PCSK2: variants seen among roughly 807,000 people sequenced by gnomAD.
The protein encoded by PCSK2 is proprotein convertase subtilisin/kexin type 2.
In PCSK2, 14 loss-of-function variants were observed where a neutral mutation model predicts 69.7. The observed-to-expected ratio is 0.20, with a 90% CI of 0.13 to 0.31. The LOEUF is 0.31. Among genes scored for constraint, PCSK2 ranks in the 10% least tolerant of loss-of-function variants. PCSK2 has a pLI of 1.00. For synonymous variants in PCSK2, 307 were observed against 320.7 expected, an observed-to-expected ratio of 0.96 and a Z score of 0.46; for missense variants, 544 against 842.5, an observed-to-expected ratio of 0.65 and a Z score of 4.39.
At chr20:17,269,831 G>A (rs780517221) in intron 2 of PCSK2, among the ~76,000 whole-genome samples, 1 of 152,054 alleles carries the variant, frequency 6.6e-6, no homozygotes, top group Non-Finnish European at 1.5e-5. Flanking sequence ...AACTATAAAA[G>A]CCATGAGAAA....
rs200516537 is a variant in PCSK2 at position 17,246,801 on chromosome 20, GA to G, written c.178-13428del. On this transcript the variant is annotated intron_variant, in intron 1 of 11. Transcript: ENST00000262545. ...TCACTGATGATAAATAATTCTGCTTGAAAAAAAAAAAGTGGTTTCTCTTTAG... is the reference window on the plus strand; with the variant it reads ...TCACTGATGATAAATAATTCTGCTTGAAAAAAAAAAGTGGTTTCTCTTTAG... 2.0e-3 allele frequency among the ~76,000 whole-genome samples: 284 copies of G among 143,690 alleles called. 1 individual carries two copies. The highest frequency in any genetic ancestry group is 2.3e-3 in the African/African-American group (92 of 39,582). The allele number at this position is 143,690 out of a possible 152,430, so 94.3% of individuals were successfully genotyped here.
At chr20:17,377,999 A>C (rs985381092) in intron 5 of PCSK2, among the ~76,000 whole-genome samples, 1 of 152,222 alleles carries the variant, frequency 6.6e-6, no homozygotes, top group African/African-American at 2.4e-5. Flanking sequence ...GTCAGCATTC[A>C]AGAAAGCCGT....
intron 2 of PCSK2, among the ~76,000 whole-genome samples, chr20:17,303,379 ATT>A (rs1491187846): frequency 2.8e-4 from 36 of 127,936 alleles, no homozygotes; most frequent in Non-Finnish European, 5.4e-4. Flanking sequence ...ATAATTATAT[ATT>A]AATATAATAT....
intron 2 of PCSK2, among the ~76,000 whole-genome samples, chr20:17,294,401 C>T (rs905266046): frequency 1.3e-5 from 2 of 152,206 alleles, no homozygotes; most frequent in African/African-American, 4.8e-5. Flanking sequence ...CCGCCGCGCC[C>T]GGCCTGCAGT....
At chr20:17,306,111 C>T (rs6131934) in intron 2 of PCSK2, among the ~76,000 whole-genome samples, 8,872 of 152,134 alleles carry the variant, frequency 0.058, 344 homozygotes, top group East Asian at 0.11. Flanking sequence ...ATTATATGGA[C>T]ATAAAGATGG....
At chr20:17,423,621 C>CAA (rs2032181815) in intron 6 of PCSK2, among the ~76,000 whole-genome samples, 2 of 141,512 alleles carry the variant, frequency 1.4e-5, no homozygotes, top group African/African-American at 2.7e-5. Flanking sequence ...AAGCTGGCTA[C>CAA]ATTAAAATTA....
At chr20:17,260,553 G>A (rs1002125067) in intron 2 of PCSK2, among the ~76,000 whole-genome samples, 1 of 152,324 alleles carries the variant, frequency 6.6e-6, no homozygotes, top group East Asian at 1.9e-4. Flanking sequence ...TGTATGGCTG[G>A]AGGAAGAGGA....
intron 8 of PCSK2, among the ~76,000 whole-genome samples, chr20:17,443,338 G>A (rs56789457): frequency 0.068 from 10,387 of 152,212 alleles, 555 homozygotes; most frequent in African/African-American, 0.15. Flanking sequence ...CAACAGGATC[G>A]GGTGGCAGGA....
chr20:17,303,529 T>TAATAA (rs1327135100), intron 2 of PCSK2, among the ~76,000 whole-genome samples: 1 of 41,690 alleles, frequency 2.4e-5, no homozygotes, highest in African/African-American at 8.4e-5. Flanking sequence ...ATAATATATA[T>TAATAA]TATATTATAT....
chr20:17,228,910 G>A (rs1480373550), intron 1 of PCSK2, among the ~76,000 whole-genome samples: 2 of 152,196 alleles, frequency 1.3e-5, no homozygotes, highest in African/African-American at 2.4e-5. Flanking sequence ...GAAAGCGTGG[G>A]TGGAGCAGGG....
intron 5 of PCSK2, among the ~76,000 whole-genome samples, chr20:17,396,329 T>C (rs1160388846): frequency 6.6e-6 from 1 of 152,122 alleles, no homozygotes; most frequent in Non-Finnish European, 1.5e-5. Flanking sequence ...CAGCCTTCTC[T>C]CCAGGCAAGT....
chr20:17,456,249 TGA>T (rs1277973181), intron 9 of PCSK2, 97 bp from the exon 10 acceptor site: 11 of 657,632 alleles, frequency 1.7e-5, no homozygotes, highest in Non-Finnish European at 3.0e-5. Context: ...AATAAATAAA[TGA>T]ATAAATAAAA....
intron 6 of PCSK2, among the ~76,000 whole-genome samples, chr20:17,419,091 C>G (rs2032065876): frequency 6.6e-6 from 1 of 152,252 alleles, no homozygotes; most frequent in Non-Finnish European, 1.5e-5. Context: ...CAACACATCT[C>G]TCCTAGGTTT....
chr20:17,251,219 G>A (rs1986965321), intron 1 of PCSK2, among the ~76,000 whole-genome samples: 1 of 152,092 alleles, frequency 6.6e-6, no homozygotes, highest in Admixed American at 6.5e-5. Context: ...GCAAAATACA[G>A]CACACATACA....
chr20:17,262,866 T>C (rs1381503907), intron 2 of PCSK2, among the ~76,000 whole-genome samples: 1 of 152,112 alleles, frequency 6.6e-6, no homozygotes, highest in Non-Finnish European at 1.5e-5. Context: ...AATTTAAGAG[T>C]AAGTTGTTTT....
chr20:17,280,061 T>A (rs980895907), intron 2 of PCSK2, among the ~76,000 whole-genome samples: 6 of 152,146 alleles, frequency 3.9e-5, no homozygotes, highest in Non-Finnish European at 7.4e-5. Flanking sequence ...ATTATCAATT[T>A]AATGTGTAGC....
intron 2 of PCSK2, among the ~76,000 whole-genome samples, chr20:17,289,453 T>G (rs1361224537): frequency 6.6e-6 from 1 of 152,202 alleles, no homozygotes; most frequent in Non-Finnish European, 1.5e-5. Flanking sequence ...ATGGGAACCC[T>G]CTGTACTTTC....
chr20:17,337,461 G>A (rs1451558149), intron 2 of PCSK2, among the ~76,000 whole-genome samples: 2 of 152,152 alleles, frequency 1.3e-5, no homozygotes, highest in Non-Finnish European at 2.9e-5. Flanking sequence ...TTGGTTGGAA[G>A]AAGATTCATT....
chr20:17,387,079 G>C (rs1305350038), intron 5 of PCSK2, among the ~76,000 whole-genome samples: 1 of 152,192 alleles, frequency 6.6e-6, no homozygotes, highest in Non-Finnish European at 1.5e-5. Context: ...CATGCAGACA[G>C]GTAGATCTGG....
Sources: gnomAD v4.1 joint callset for allele counts (sites outside exome capture counted in the v4.1 genomes callset) on GRCh38, gnomAD v4.1.1 for gene constraint, MANE v1.5 for transcripts, NCBI Gene and HGNC (gene_info 2026-07-23, HGNC 2026-07-21) for gene names.